FHAD1: variants seen among roughly 807,000 people sequenced by gnomAD.
The protein encoded by FHAD1 is forkhead associated phosphopeptide binding domain 1.
A neutral mutation model predicts 191.3 loss-of-function variants in FHAD1; 146 were observed. The ratio of observed to expected loss-of-function variants is 0.76; its 90% CI spans 0.67 to 0.88. The LOEUF (loss-of-function observed/expected upper bound fraction) is 0.88, where lower values mean the gene tolerates loss of function less well. Among genes scored for constraint, FHAD1 ranks in the 40% least tolerant of loss-of-function variants. The pLI is 0.00. For synonymous variants in FHAD1, 616 were observed against 672.3 expected, an observed-to-expected ratio of 0.92 and a Z score of 1.29; for missense variants, 1,635 against 1,785.8, an observed-to-expected ratio of 0.92 and a Z score of 1.52.
At chr1:15,344,186 C>T (rs1687945423) in intron 16 of FHAD1, among the ~76,000 whole-genome samples, 1 of 152,234 alleles carries the variant, frequency 6.6e-6, no homozygotes, top group South Asian at 2.1e-4. Context: ...GGAAAGTTAC[C>T]TCTTGGACTT....
At chr1:15,390,269 T>C (rs1016367113) in intron 32 of FHAD1, among the ~76,000 whole-genome samples, 2 of 137,032 alleles carry the variant, frequency 1.5e-5, no homozygotes, top group African/African-American at 5.6e-5. Flanking sequence ...TGCTTGAACC[T>C]GGGAGGCAAA....
chr1:15,246,803 C>T (rs1646096288), upstream of FHAD1, among the ~76,000 whole-genome samples: 1 of 152,146 alleles, frequency 6.6e-6, no homozygotes, highest in Non-Finnish European at 1.5e-5. Flanking sequence ...CCACCCCACT[C>T]CCAGAGATCC....
chr1:15,309,677 AT>A (rs574894791), intron 7 of FHAD1, among the ~76,000 whole-genome samples: 8,905 of 144,842 alleles, frequency 0.061, 268 homozygotes, highest in African/African-American at 0.084. Context: ...TTTTTTAGCG[AT>A]TTTTTTTTTT....
Position 15,365,878 on chromosome 1 carries a change from C to A in FHAD1, c.3099C>A (p.Ile1033=). The change falls in exon 24 of 34, where the codon ATC becomes ATA. Residue 1033 remains isoleucine, a synonymous_variant. Transcript: ENST00000688493. ...QKEILSQQEV[I]MKLRKDLTEA... Reference sequence around the variant, plus strand: ...AAATTCTGTCTCAGCAGGAAGTCATCATGAAGTTAAGGAAAGACCTTACCG... The same window carrying A: ...AAATTCTGTCTCAGCAGGAAGTCATAATGAAGTTAAGGAAAGACCTTACCG... 6.4e-7 allele frequency: 1 copy of A among 1,551,552 alleles called. No individual in the cohort carries two copies. Among genetic ancestry groups the A allele is most frequent in the Non-Finnish European group, 8.7e-7 (1 of 1,146,938 alleles).
In FHAD1 at chr1:15,341,877, G is replaced by T. The variant is rs2102251293; in HGVS notation, c.2119G>T (p.Glu707Ter). ...CAAAGCCAAAATCAGGCAACTGACG[G>T]AAGAGAAGGCGGTAAGGTGGTCCCT... is the stretch of plus-strand genomic sequence containing the variant. ...KLKAKIRQLTEEKAALEEYIT... is the reference protein window; with the variant it reads ...KLKAKIRQLT The change falls in exon 16 of 34, where the codon GAA becomes TAA. Residue 707 changes from glutamate (E) to a stop codon, truncating the protein, a stop_gained. Coordinates refer to ENST00000688493, the MANE Select transcript of FHAD1 (RefSeq NM_001391957.1). LOFTEE classifies it high-confidence loss of function. The T allele has an allele frequency of 3.2e-6, 5 of 1,551,558 alleles. No homozygotes were observed. Among genetic ancestry groups the T allele is most frequent in the Non-Finnish European group, 3.5e-6 (4 of 1,146,892 alleles).
chr1:15,302,497 A>G (rs10803380), intron 6 of FHAD1, among the ~76,000 whole-genome samples: 30,417 of 152,150 alleles, frequency 0.2, 6,484 homozygotes, highest in African/African-American at 0.54. Flanking sequence ...AGGCTGAGGC[A>G]GGCAGATCAC....
At position 15,316,315 on chromosome 1, in the gene FHAD1, C is replaced by A; in HGVS notation, c.1171-63C>A. The A allele has an allele frequency of 7.4e-7, 1 of 1,351,920 alleles. No individual in the cohort carries two copies. The highest frequency in any genetic ancestry group is 1.0e-6 in the Non-Finnish European group (1 of 968,804). The allele number at this position is 1,351,920 out of a possible 1,614,324, so 83.7% of individuals were successfully genotyped here. A position where few individuals can be genotyped will look rare whatever the true frequency, so the allele number is the denominator to read the frequency against. On this transcript the variant is annotated intron_variant, in intron 8 of 33. Coordinates refer to ENST00000688493, the MANE Select transcript of FHAD1 (RefSeq NM_001391957.1). This position sits in a 1 kb window ranked among gnomAD's most constrained non-coding sequence, Gnocchi z 4.3. ...CTCACATGGGGCCTTGGAGCCCCTC[C>A]TTCCCCCGACAACCCTACCTGGCCA...
intron 33 of FHAD1, among the ~76,000 whole-genome samples, chr1:15,396,227 TGGA>T (rs1288695301): frequency 6.6e-6 from 1 of 151,714 alleles, no homozygotes; most frequent in Non-Finnish European, 1.5e-5. Flanking sequence ...AGGCTGAGGT[TGGA>T]GGATCACCTG....
intron 5 of FHAD1, among the ~76,000 whole-genome samples, chr1:15,297,661 C>T (rs935664935): frequency 1.3e-5 from 2 of 152,176 alleles, no homozygotes; most frequent in African/African-American, 4.8e-5. Flanking sequence ...CTATGGGTTG[C>T]CTTGGAAGGT....
intron 28 of FHAD1, 42 bp from the exon 29 acceptor site, chr1:15,380,659 A>G: frequency 2.7e-6 from 4 of 1,462,964 alleles, no homozygotes; most frequent in East Asian, 2.5e-5. Flanking sequence ...GAAAGTCATA[A>G]TGGAATGTCA....
At chr1:15,323,711 G>A (rs1677166933) in intron 10 of FHAD1, among the ~76,000 whole-genome samples, 1 of 152,170 alleles carries the variant, frequency 6.6e-6, no homozygotes, top group Non-Finnish European at 1.5e-5. Flanking sequence ...GCAGGGTCCT[G>A]TAATGGCCAG....
intron 11 of FHAD1, 109 bp from the exon 12 acceptor site, chr1:15,326,950 G>C: frequency 1.5e-6 from 1 of 649,186 alleles, no homozygotes; most frequent in Non-Finnish European, 2.8e-6. Flanking sequence ...GGTCATTCAG[G>C]CGTGCAAACC....
intron 3 of FHAD1, among the ~76,000 whole-genome samples, chr1:15,286,195 A>AT (rs922763450): frequency 5.9e-5 from 9 of 152,258 alleles, no homozygotes; most frequent in South Asian, 2.1e-4. Context: ...TTTGTTATGT[A>AT]TTTTTTTACA....
At position 15,327,409 on chromosome 1, in the gene FHAD1, C is replaced by G; in HGVS notation, c.1557+267C>G. 2.7e-6 allele frequency: 1 copy of G among 370,434 alleles called. No individual in the cohort carries two copies. Among genetic ancestry groups the G allele is most frequent in the Non-Finnish European group, 4.9e-6 (1 of 205,400 alleles). 22.9% of individuals were successfully genotyped at this position (370,434 alleles called of 1,614,324 possible). On this transcript the variant is annotated intron_variant, in intron 12 of 33. Transcript: ENST00000688493. The surrounding 1 kb of genome is among the most constrained non-coding windows in gnomAD (Gnocchi z 5.1). Reference sequence around the variant, plus strand: ...TTCTGGTCTCCAGACATGCATGTTTCGCCTCCATTAGCACTGGGAGAAAGG... The same window carrying G: ...TTCTGGTCTCCAGACATGCATGTTTGGCCTCCATTAGCACTGGGAGAAAGG...
chr1:15,345,719 A>G (rs1305124859), intron 18 of FHAD1, 196 bp downstream of exon 18: 1 of 597,952 alleles, frequency 1.7e-6, no homozygotes, highest in African/African-American at 1.9e-5. Context: ...CTTGACAACC[A>G]GTTGGGAAAA....
Position 15,345,540 on chromosome 1 carries a change from A to G in FHAD1, c.2346+17A>G, listed in dbSNP as rs920417185. On this transcript the variant is annotated intron_variant, in intron 18 of 33. Coordinates refer to ENST00000688493, the MANE Select transcript of FHAD1 (RefSeq NM_001391957.1). ...CAGAAGGAGGTACGCTCGGGGAGAT[A>G]GAGTCGGCTGAGCCCCAGTCGGCTT... The G allele has an allele frequency of 1.9e-6, 3 of 1,546,182 alleles. No homozygotes were observed. Among genetic ancestry groups the G allele is most frequent in the Admixed American group, 3.9e-5 (2 of 50,978 alleles).
chr1:15,382,173 A>G lies in FHAD1; in HGVS notation c.4168A>G (p.Arg1390Gly). 1 of 1,551,594 alleles carries G rather than the reference A, an allele frequency of 6.4e-7. No homozygotes were observed. Among genetic ancestry groups the G allele is most frequent in the Non-Finnish European group, 8.7e-7 (1 of 1,147,044 alleles). The change falls in exon 31 of 34, where the codon AGG becomes GGG. Residue 1390 changes from arginine to glycine, a missense_variant. Coordinates refer to ENST00000688493, the MANE Select transcript of FHAD1 (RefSeq NM_001391957.1). ...HQLCQEKRIN[R>G]AIRQQKESVE... Reference sequence around the variant, plus strand: ...GCTGTGCCAGGAGAAGAGGATCAACAGGGCCATCCGGCAGCAGAAGGTGAG... The same window carrying G: ...GCTGTGCCAGGAGAAGAGGATCAACGGGGCCATCCGGCAGCAGAAGGTGAG...
At chr1:15,391,117 C>T in intron 32 of FHAD1, 93 bp from the exon 33 acceptor site, 1 of 550,504 alleles carries the variant, frequency 1.8e-6, no homozygotes, top group Non-Finnish European at 2.8e-6. Flanking sequence ...AAATGGTTAG[C>T]ATCTAAAAGT....
chr1:15,278,475 C>CTTTTTTTTTTTT (rs34110532), intron 3 of FHAD1, among the ~76,000 whole-genome samples: 1,857 of 123,960 alleles, frequency 0.015, 144 homozygotes, highest in African/African-American at 0.034. Context: ...TTCATTACCT[C>CTTTTTTTTTTTT]TTTTTTTTTT....
Sources: gnomAD v4.1 joint callset for allele counts (sites outside exome capture counted in the v4.1 genomes callset) on GRCh38, gnomAD v4.1.1 for gene constraint, Gnocchi (gnomAD v3.1) non-coding constraint, MANE v1.5 for transcripts, NCBI Gene and HGNC (gene_info 2026-07-23, HGNC 2026-07-21) for gene names.